Variants in TMEM132C observed in about 807,000 individuals in gnomAD.
The protein encoded by TMEM132C is protein phosphatase 1, regulatory subunit 152.
A neutral mutation model predicts 61.4 loss-of-function variants in TMEM132C; 29 were observed. The observed-to-expected ratio is 0.47, with a 90% CI of 0.35 to 0.64. TMEM132C has a LOEUF of 0.64. Among genes scored for constraint, TMEM132C ranks in the 30% least tolerant of loss-of-function variants. The probability of loss-of-function intolerance (pLI) is 0.00; values close to 1 mark genes in which losing one functional copy is unlikely to be tolerated. For synonymous variants in TMEM132C, 656 were observed against 633.1 expected (o/e 1.04, Z -0.54); for missense variants, 1,408 against 1,476.9 (o/e 0.95, Z 0.76).
chr12:128,520,197 C>A (rs1012766326), intron 2 of TMEM132C, among the ~76,000 whole-genome samples: 3 of 152,248 alleles, frequency 2.0e-5, no homozygotes, highest in African/African-American at 7.2e-5. Flanking sequence ...CAGAAGGCAC[C>A]TCCTGACCAG....
At chr12:128,303,487 C>A (rs1871663480) in intron 1 of TMEM132C, among the ~76,000 whole-genome samples, 1 of 152,176 alleles carries the variant, frequency 6.6e-6, no homozygotes, top group South Asian at 2.1e-4. Context: ...GAACTTCAGA[C>A]CTGTCTCTTA....
chr12:128,438,953 T>C (rs1393193913), intron 2 of TMEM132C: 1 of 152,240 alleles, frequency 6.6e-6, no homozygotes, highest in Non-Finnish European at 1.5e-5. Flanking sequence ...CTGGGTCTGC[T>C]GTAATAGGAG....
intron 3 of TMEM132C, among the ~76,000 whole-genome samples, chr12:128,566,434 T>C (rs1031206178): frequency 5.3e-5 from 8 of 152,218 alleles, no homozygotes; most frequent in African/African-American, 1.4e-4. Context: ...TCTTTGCTCG[T>C]TTTATTTAAA....
Position 128,480,196 on chromosome 12 carries a change from G to C in TMEM132C, c.975-63761G>C, listed in dbSNP as rs143409286. 4.6e-5 allele frequency among the ~76,000 whole-genome samples: 7 copies of C among 152,260 alleles called. No individual in the cohort carries two copies. The East Asian group carries it at 1.4e-3, about 29-fold the overall frequency. ...GATTGTTTGAGGCCAGGAGTTCAAG[G>C]CTGCAGTGAGATACGATTGTGCCAC... On this transcript the variant is annotated intron_variant, in intron 2 of 8. Transcript: ENST00000435159.
intron 3 of TMEM132C, among the ~76,000 whole-genome samples, chr12:128,553,428 G>A (rs1383843656): frequency 1.3e-5 from 2 of 151,826 alleles, no homozygotes; most frequent in Non-Finnish European, 1.5e-5. Flanking sequence ...CCATTATTGC[G>A]TCCTGCCTTA....
rs750661521 is a variant in TMEM132C at position 128,705,701 on chromosome 12, C to G, written c.2733C>G (p.Asn911Lys). Reference protein sequence around the residue: ...LPKAGSGLEENDLVQTPRGLS... With the variant: ...LPKAGSGLEEKDLVQTPRGLS... ...AGGCCGGGAGTGGGCTGGAGGAAAA[C>G]GACCTGGTGCAGACTCCGCGGGGCC... The change falls in exon 9 of 9, where the codon AAC becomes AAG. Residue 911 changes from asparagine (N) to lysine (K), a missense_variant. Coordinates refer to ENST00000435159, the MANE Select transcript of TMEM132C (RefSeq NM_001136103.3). 3 of 1,551,442 alleles carry G rather than the reference C, an allele frequency of 1.9e-6. No homozygotes were observed. The highest frequency in any genetic ancestry group is 1.2e-5 in the South Asian group (1 of 84,058).
At chr12:128,411,876 A>G (rs1411616170) in intron 1 of TMEM132C, among the ~76,000 whole-genome samples, 1 of 152,208 alleles carries the variant, frequency 6.6e-6, no homozygotes, top group African/African-American at 2.4e-5. Flanking sequence ...CATTTTGCCC[A>G]TGTCCCTTTC....
At chr12:128,619,956 C>T (rs545382664) in intron 4 of TMEM132C, among the ~76,000 whole-genome samples, 4 of 152,024 alleles carry the variant, frequency 2.6e-5, no homozygotes, top group South Asian at 2.1e-4. Context: ...CAAGGCCAGG[C>T]GCGATGGCTC....
intron 1 of TMEM132C, among the ~76,000 whole-genome samples, chr12:128,358,139 A>C (rs956632668): frequency 1.3e-5 from 2 of 152,124 alleles, no homozygotes; most frequent in African/African-American, 4.8e-5. Flanking sequence ...AGAGAGGCCC[A>C]GGGTGGAACA....
At chr12:128,274,948 A>T (rs1870635002) in intron 1 of TMEM132C, among the ~76,000 whole-genome samples, 1 of 152,172 alleles carries the variant, frequency 6.6e-6, no homozygotes, top group Non-Finnish European at 1.5e-5. Flanking sequence ...AAGGTATAAG[A>T]CAGCCTCATT....
intron 2 of TMEM132C, among the ~76,000 whole-genome samples, chr12:128,515,415 C>T (rs550692515): frequency 3.2e-4 from 49 of 152,326 alleles, no homozygotes; most frequent in Admixed American, 2.2e-3. Flanking sequence ...AAGAACTGGA[C>T]GCACCTCTGT....
intron 3 of TMEM132C, among the ~76,000 whole-genome samples, chr12:128,575,040 A>G (rs538098564): frequency 3.9e-5 from 6 of 152,304 alleles, no homozygotes; most frequent in South Asian, 2.1e-4. Context: ...ATGCACTACA[A>G]TTCCTCGCTG....
intron 3 of TMEM132C, among the ~76,000 whole-genome samples, chr12:128,610,919 T>A (rs1430642993): frequency 6.6e-6 from 1 of 152,040 alleles, no homozygotes; most frequent in Non-Finnish European, 1.5e-5. Flanking sequence ...CTCAGGAAGC[T>A]CCTGAACCAG....
chr12:128,485,698 G>T (rs540687864), intron 2 of TMEM132C, among the ~76,000 whole-genome samples: 17 of 152,258 alleles, frequency 1.1e-4, no homozygotes, highest in Non-Finnish European at 2.5e-4. Context: ...TGTCAGTAGT[G>T]CCGAGGCTGA....
chr12:128,305,667 T>G lies in TMEM132C; in HGVS notation c.85+38180T>G, dbSNP rs1034780444. ...TCTAATGGAAGAATTGGCTCGTGAT[T>G]AAAAATGAGACCTCCCGGCAGCAGC... On this transcript the variant is annotated intron_variant, in intron 1 of 8. Transcript: ENST00000435159. Among the ~76,000 whole-genome samples the G allele has an allele frequency of 4.6e-5, 7 of 152,084 alleles. 1 individual carries two copies. The highest frequency in any genetic ancestry group is 8.8e-5 in the Non-Finnish European group (6 of 68,006).
intron 1 of TMEM132C, 24 bp downstream of exon 1, chr12:128,267,511 C>T (rs1266838070): frequency 8.1e-7 from 1 of 1,233,232 alleles, no homozygotes; most frequent in South Asian, 3.4e-5. Context: ...GGGTGCCTGG[C>T]GCGCCGACGC....
chr12:128,505,943 G>T (rs972015347), intron 2 of TMEM132C, among the ~76,000 whole-genome samples: 1 of 152,154 alleles, frequency 6.6e-6, no homozygotes, highest in Non-Finnish European at 1.5e-5. Context: ...CCATGTTTTA[G>T]AGCCTCTTTC....
rs372897770 is a variant in TMEM132C, at chr12:128,498,204, A to G, written c.975-45753A>G. ...ATTGCCCACTACTCTCCACAAGATG[A>G]AATTTAGATGATTGGAAATGGGACA... On this transcript the variant is annotated intron_variant, in intron 2 of 8. Coordinates refer to ENST00000435159, the MANE Select transcript of TMEM132C (RefSeq NM_001136103.3). 1.5e-4 allele frequency among the ~76,000 whole-genome samples: 23 copies of G among 152,310 alleles called. 1 individual carries two copies. The South Asian group carries it at 4.8e-3, about 32-fold the overall frequency.
At chr12:128,397,313 G>A (rs1473055065) in intron 1 of TMEM132C, among the ~76,000 whole-genome samples, 2 of 152,180 alleles carry the variant, frequency 1.3e-5, no homozygotes, top group African/African-American at 2.4e-5. Flanking sequence ...TTAGGGCTTC[G>A]CCGTGTGTCT....
Sources: gnomAD v4.1 joint callset for allele counts (sites outside exome capture counted in the v4.1 genomes callset) on GRCh38, gnomAD v4.1.1 for gene constraint, MANE v1.5 for transcripts, NCBI Gene and HGNC (gene_info 2026-07-23, HGNC 2026-07-21) for gene names.